PCNT: variants seen among roughly 807,000 people sequenced by gnomAD.
PCNT encodes the protein kendrin.
PCNT carries 319 observed loss-of-function variants against 380.4 expected under a neutral mutation model. The ratio of observed to expected loss-of-function variants is 0.84; its 90% CI spans 0.77 to 0.92. PCNT has a LOEUF of 0.92. Among genes scored for constraint, PCNT ranks in the 40% least tolerant of loss-of-function variants. PCNT has a pLI of 0.00. For missense variants in PCNT, 4,400 were observed against 4,255.3 expected (o/e 1.03, Z -0.95); for synonymous variants, 1,845 against 1,735.2 (o/e 1.06, Z -1.57).
At chr21:46,378,871 T>G (rs2147104222) in intron 15 of PCNT, among the ~76,000 whole-genome samples, 1 of 152,308 alleles carries the variant, frequency 6.6e-6, no homozygotes, top group Non-Finnish European at 1.5e-5. Context: ...CAACCACATC[T>G]TTCTATCTTT....
intron 3 of PCNT, among the ~76,000 whole-genome samples, chr21:46,340,077 G>A (rs2083869635): frequency 6.6e-6 from 1 of 152,186 alleles, no homozygotes; most frequent in Non-Finnish European, 1.5e-5. Flanking sequence ...GTTCCACGTG[G>A]CTGGGGAGGC....
chr21:46,333,823 C>G (rs1256578200), intron 2 of PCNT, among the ~76,000 whole-genome samples: 1 of 140,256 alleles, frequency 7.1e-6, no homozygotes, highest in East Asian at 2.1e-4. Context: ...GGCAACAGAG[C>G]AAGACTCCGT....
intron 7 of PCNT, 54 bp downstream of exon 7, chr21:46,349,240 A>T (rs1216226594): frequency 2.1e-5 from 29 of 1,387,326 alleles, no homozygotes; most frequent in Non-Finnish European, 2.9e-5. Flanking sequence ...CCTAGGTAGT[A>T]CTGGAAGGAA....
chr21:46,424,812 G>A (rs568990762), intron 32 of PCNT, among the ~76,000 whole-genome samples: 9 of 148,154 alleles, frequency 6.1e-5, no homozygotes, highest in South Asian at 2.2e-4. Context: ...CTGCTCTGCC[G>A]CAGACCTCAG....
At position 46,346,932 on chromosome 21, in the gene PCNT, G is replaced by C; in HGVS notation, c.910G>C (p.Glu304Gln). The change falls in exon 5 of 47, where the codon GAG becomes CAG. Residue 304 changes from glutamate to glutamine, a missense_variant. Physicochemically the swap from Glu to Gln is conservative, Grantham distance 29 (BLOSUM62 2). Transcript: ENST00000359568. ...LLQSRQQHEL[E>Q]LLREQHAREK... ...ACAGAGCAGGCAGCAGCACGAGCTG[G>C]AGCTCCTCAGGGAGCAGCACGCACG... 1 of 1,598,738 alleles carries C rather than the reference G, an allele frequency of 6.3e-7. No homozygotes were observed. The highest frequency in any genetic ancestry group is 8.5e-7 in the Non-Finnish European group (1 of 1,174,228).
intron 30 of PCNT, among the ~76,000 whole-genome samples, chr21:46,417,265 C>T (rs1720394547): frequency 1.5e-5 from 2 of 137,202 alleles, no homozygotes; most frequent in South Asian, 4.8e-4. Flanking sequence ...GCAATCTCGG[C>T]TCACTGCAGC....
intron 2 of PCNT, 102 bp from the exon 3 acceptor site, chr21:46,334,295 A>G: frequency 6.5e-7 from 1 of 1,533,782 alleles, no homozygotes; most frequent in Admixed American, 1.7e-5. Flanking sequence ...TACTTGTTAA[A>G]TGAAGTCAGC....
chr21:46,388,906 G>C lies in PCNT; in HGVS notation c.3607+22G>C. The stretch of plus-strand genomic sequence containing the variant: ...ACAGGTGAGTGTGCCGGGACCAGCT[G>C]CCCAGCCCTGTGCTTGCAGCCCCTC... On this transcript the variant is annotated intron_variant, in intron 18 of 46. Transcript: ENST00000359568. This position sits in a 1 kb window ranked among gnomAD's most constrained non-coding sequence, Gnocchi z 4.2. 6.3e-7 allele frequency: 1 copy of C among 1,578,178 alleles called. No homozygotes were observed. Among genetic ancestry groups the C allele is most frequent in the East Asian group, 2.3e-5 (1 of 43,848 alleles).
chr21:46,364,456 A>G (rs112977931), intron 14 of PCNT, among the ~76,000 whole-genome samples: 1 of 152,234 alleles, frequency 6.6e-6, no homozygotes, highest in African/African-American at 2.4e-5. Context: ...GGGATCAGTC[A>G]TTGTCTCTGT....
chr21:46,392,472 C>T (rs1482787593), intron 21 of PCNT, among the ~76,000 whole-genome samples: 2 of 152,222 alleles, frequency 1.3e-5, no homozygotes, highest in East Asian at 1.9e-4. Context: ...CTGCCTGCCT[C>T]GGCCTCCCAT....
intron 1 of PCNT, 94 bp downstream of exon 1, chr21:46,324,376 G>T: frequency 8.9e-7 from 1 of 1,123,024 alleles, no homozygotes; most frequent in Non-Finnish European, 1.3e-6. Context: ...GAGAGGACGC[G>T]GTCCGGCGGA....
rs1389897457 is a variant in PCNT, at chr21:46,325,054, C to G, written c.54+772C>G. ...TCAAGGGACGCGCTCCCGTCTTTCTCCCGCCCCGGGTTTCTCCGTGAAAAA... is the reference window on the plus strand; with the variant it reads ...TCAAGGGACGCGCTCCCGTCTTTCTGCCGCCCCGGGTTTCTCCGTGAAAAA... On this transcript the variant is annotated intron_variant, in intron 1 of 46. Transcript: ENST00000359568. The G allele has an allele frequency of 3.2e-5, 32 of 985,390 alleles. 1 individual carries two copies. The highest frequency in any genetic ancestry group is 3.9e-5 in the Non-Finnish European group (32 of 829,984). 61.0% of individuals were successfully genotyped at this position (985,390 alleles called of 1,614,324 possible).
chr21:46,335,993 T>C (rs760359569), intron 3 of PCNT, among the ~76,000 whole-genome samples: 4 of 151,416 alleles, frequency 2.6e-5, no homozygotes, highest in Non-Finnish European at 4.4e-5. Flanking sequence ...ATTGTTTGTT[T>C]TTTGAGATGG....
intron 2 of PCNT, among the ~76,000 whole-genome samples, chr21:46,330,288 A>C (rs1202840561): frequency 6.6e-6 from 1 of 150,862 alleles, no homozygotes; most frequent in Non-Finnish European, 1.5e-5. Context: ...TGGCTAACTT[A>C]AAAAAAAATT....
chr21:46,421,645 G>A lies in PCNT; in HGVS notation c.7025-325G>A, dbSNP rs1442831546. Among the ~76,000 whole-genome samples, 3 of 152,248 alleles carry A rather than the reference G, an allele frequency of 2.0e-5. No individual in the cohort carries two copies. In the East Asian group the frequency reaches 5.8e-4, roughly 29 times the overall value. On this transcript the variant is annotated intron_variant, in intron 31 of 46. Coordinates refer to ENST00000359568, the MANE Select transcript of PCNT (RefSeq NM_006031.6). ...TCCCGCTGCTCTTGAGCTTGCCCAGGCCATCTGGGTTTTGTGGAGTCTTTG... is the reference window on the plus strand; with the variant it reads ...TCCCGCTGCTCTTGAGCTTGCCCAGACCATCTGGGTTTTGTGGAGTCTTTG...
Position 46,430,096 on chromosome 21 carries a change from A to G in PCNT, c.7777A>G (p.Asn2593Asp), listed in dbSNP as rs764862097. 1.9e-6 allele frequency: 3 copies of G among 1,614,214 alleles called. No individual in the cohort carries two copies. In the East Asian group the frequency reaches 6.7e-5, roughly 36 times the overall value. The part of the protein sequence containing the change: ...KTLSEEQEKA[N>D]SVQKLLAAEQ... ...GCTGAGTGAAGAGCAAGAGAAGGCA[A>G]ACAGCGTGCAGAAGCTCCTGGCGGC... Residue 2593 changes from asparagine to aspartate, a missense_variant, in exon 36 of 47, where the codon AAC becomes GAC. Transcript: ENST00000359568.
intron 13 of PCNT, among the ~76,000 whole-genome samples, chr21:46,360,317 G>T (rs2084661929): frequency 6.8e-6 from 1 of 146,792 alleles, no homozygotes; most frequent in Non-Finnish European, 1.5e-5. Flanking sequence ...CTGCCTCCCG[G>T]GTTCATGCCA....
At chr21:46,374,827 C>T (rs1276175759) in intron 15 of PCNT, among the ~76,000 whole-genome samples, 1 of 100,522 alleles carries the variant, frequency 9.9e-6, no homozygotes, top group African/African-American at 4.2e-5. Context: ...CCAGCCTGGG[C>T]AACAAGAGCA....
chr21:46,433,672 A>T (rs2087859120), intron 38 of PCNT, among the ~76,000 whole-genome samples: 1 of 152,224 alleles, frequency 6.6e-6, no homozygotes, highest in South Asian at 2.1e-4. Flanking sequence ...TCTTAAAAAA[A>T]ATAGTAACAT....
Sources: allele counts gnomAD v4.1 joint callset (sites outside exome capture counted in the v4.1 genomes callset), GRCh38; gene constraint gnomAD v4.1.1; non-coding constraint Gnocchi (gnomAD v3.1); transcripts MANE v1.5; gene names NCBI Gene and HGNC (gene_info 2026-07-23, HGNC 2026-07-21).